The following TESK2 variants were observed in gnomAD, a reference collection of about 807,000 sequenced individuals.
TESK2 encodes the protein dual specificity testis-specific protein kinase 2.
Under a neutral mutation model 57.1 loss-of-function variants are expected in TESK2, and 39 were observed. That is an observed-to-expected ratio of 0.68 (90% CI 0.53 to 0.89). The LOEUF (loss-of-function observed/expected upper bound fraction) is 0.89. TESK2 is among the 40% of genes least tolerant of loss of function. TESK2 has a pLI of 0.00. For synonymous variants in TESK2, 249 were observed against 267.9 expected, an observed-to-expected ratio of 0.93 and a Z score of 0.69; for missense variants, 646 against 732.1, an observed-to-expected ratio of 0.88 and a Z score of 1.36.
chr1:45,410,880 T>C (rs1010986319), intron 3 of TESK2, among the ~76,000 whole-genome samples: 1 of 152,182 alleles, frequency 6.6e-6, no homozygotes, highest in African/African-American at 2.4e-5. Context: ...AACTCTATCT[T>C]GCCTCCAACC....
intron 2 of TESK2, among the ~76,000 whole-genome samples, chr1:45,444,137 C>G (rs1651558404): frequency 6.7e-6 from 1 of 149,350 alleles, no homozygotes; most frequent in Non-Finnish European, 1.5e-5. Context: ...TATGATCATG[C>G]TACTGCACTC....
At chr1:45,464,762 A>G (rs1652474597) in intron 1 of TESK2, among the ~76,000 whole-genome samples, 1 of 152,178 alleles carries the variant, frequency 6.6e-6, no homozygotes, top group Non-Finnish European at 1.5e-5. Context: ...TTGCAGCTCA[A>G]TGGGTCTGGT....
intron 3 of TESK2, among the ~76,000 whole-genome samples, chr1:45,393,159 G>GT (rs1027313089): frequency 2.3e-4 from 35 of 152,254 alleles, no homozygotes; most frequent in Admixed American, 2.2e-3. Flanking sequence ...TGGTTTGGAT[G>GT]TGACACACCC....
At chr1:45,434,884 T>C (rs1299055910) in intron 2 of TESK2, among the ~76,000 whole-genome samples, 1 of 152,106 alleles carries the variant, frequency 6.6e-6, no homozygotes, top group Non-Finnish European at 1.5e-5. Context: ...TTGCTGCCTA[T>C]ACTTTTGAGG....
intron 3 of TESK2, among the ~76,000 whole-genome samples, chr1:45,392,732 A>G (rs1161006511): frequency 6.6e-6 from 1 of 151,660 alleles, no homozygotes; most frequent in African/African-American, 2.4e-5. Flanking sequence ...TTTTTTAGAG[A>G]TAGTATTGCT....
intron 3 of TESK2, among the ~76,000 whole-genome samples, chr1:45,407,010 A>C (rs1240825874): frequency 6.6e-6 from 1 of 152,274 alleles, no homozygotes; most frequent in African/African-American, 2.4e-5. Context: ...TTTCCCTTCC[A>C]ATATTGTTAT....
intron 2 of TESK2, among the ~76,000 whole-genome samples, chr1:45,451,637 G>A (rs1326030716): frequency 6.6e-6 from 1 of 152,170 alleles, no homozygotes; most frequent in African/African-American, 2.4e-5. Flanking sequence ...ATGAACCAGA[G>A]ATATCACTCT....
chr1:45,346,953 C>G lies in TESK2; in HGVS notation c.792+26G>C, dbSNP rs770128472. 9.9e-6 allele frequency: 16 copies of G among 1,611,944 alleles called. No individual in the cohort carries two copies. In the Admixed American group the frequency reaches 2.7e-4, roughly 27 times the overall value. On this transcript the variant is annotated intron_variant, in intron 8 of 10. Coordinates refer to ENST00000372086, the MANE Select transcript of TESK2 (RefSeq NM_007170.3). ...TGCTTCAAACTAGCCCCATCAGTGG[C>G]AATGATCCCCATGCTTGCAGCTCAC...
At chr1:45,382,994 C>G (rs1648726110) in intron 4 of TESK2, among the ~76,000 whole-genome samples, 1 of 152,122 alleles carries the variant, frequency 6.6e-6, no homozygotes, top group Non-Finnish European at 1.5e-5. Flanking sequence ...ATGGTTCAAG[C>G]CCAGGAAAGT....
intron 4 of TESK2, among the ~76,000 whole-genome samples, chr1:45,373,028 C>CAAA (rs200182758): frequency 4.1e-4 from 25 of 61,008 alleles, no homozygotes; most frequent in African/African-American, 1.3e-3. Context: ...ATCTCCGTCT[C>CAAA]AAAAAAAAAA....
chr1:45,487,146 C>G (rs1358572652), intron 1 of TESK2, among the ~76,000 whole-genome samples: 2 of 152,090 alleles, frequency 1.3e-5, no homozygotes, highest in African/African-American at 4.8e-5. Context: ...ATATTTTAAA[C>G]AGAATCAAAG....
chr1:45,413,551 A>G (rs1446809474), intron 3 of TESK2, among the ~76,000 whole-genome samples: 1 of 152,210 alleles, frequency 6.6e-6, no homozygotes, highest in African/African-American at 2.4e-5. Flanking sequence ...GCACTAACAG[A>G]AGAATTTTCA....
At chr1:45,394,970 A>C (rs1649301559) in intron 3 of TESK2, among the ~76,000 whole-genome samples, 1 of 152,088 alleles carries the variant, frequency 6.6e-6, no homozygotes, top group Middle Eastern at 3.4e-3. Context: ...GATTACAGGC[A>C]TTAGCCACTG....
chr1:45,459,510 A>G (rs1350198733), intron 1 of TESK2, among the ~76,000 whole-genome samples: 1 of 152,228 alleles, frequency 6.6e-6, no homozygotes, highest in African/African-American at 2.4e-5. Flanking sequence ...AAGTGGCATC[A>G]GCACCACCAG....
chr1:45,373,568 C>T (rs976429033), intron 4 of TESK2, among the ~76,000 whole-genome samples: 4 of 152,148 alleles, frequency 2.6e-5, no homozygotes, highest in African/African-American at 9.7e-5. Context: ...TGACACAGTA[C>T]CTGCTTAATA....
chr1:45,475,063 CAAAAAAAA>C (rs58542898), intron 1 of TESK2, among the ~76,000 whole-genome samples: 1 of 87,434 alleles, frequency 1.1e-5, no homozygotes, highest in African/African-American at 3.8e-5. Context: ...GACTCTATCT[CAAAAAAAA>C]AAAAAAAAAA....
chr1:45,373,019 T>C (rs561637364), intron 4 of TESK2, among the ~76,000 whole-genome samples: 1 of 132,672 alleles, frequency 7.5e-6, no homozygotes, highest in Non-Finnish European at 1.5e-5. Flanking sequence ...CAAGAGCGAA[T>C]CTCCGTCTCA....
At chr1:45,351,052 TAAC>T (rs765143471) in intron 5 of TESK2, among the ~76,000 whole-genome samples, 1 of 152,190 alleles carries the variant, frequency 6.6e-6, no homozygotes, top group African/African-American at 2.4e-5. Context: ...CAGTCAACAA[TAAC>T]AACAGAAAAG....
chr1:45,489,185 A>C (rs1318896442), intron 1 of TESK2, among the ~76,000 whole-genome samples: 2 of 151,468 alleles, frequency 1.3e-5, no homozygotes, highest in African/African-American at 4.9e-5. Flanking sequence ...CCTCGAAAGC[A>C]CGTGACATTG....
Sources: allele counts gnomAD v4.1 joint callset (sites outside exome capture counted in the v4.1 genomes callset), GRCh38; gene constraint gnomAD v4.1.1; transcripts MANE v1.5; gene names NCBI Gene and HGNC (gene_info 2026-07-23, HGNC 2026-07-21).